The following TNFSF4 variants were observed in gnomAD, a reference collection of about 807,000 sequenced individuals.
The protein encoded by TNFSF4 is tumor necrosis factor ligand superfamily member 4.
A neutral mutation model predicts 7.3 loss-of-function variants in TNFSF4; 4 were observed. The ratio of observed to expected loss-of-function variants is 0.55; its 90% CI spans 0.27 to 1.25. The LOEUF (loss-of-function observed/expected upper bound fraction) is 1.25. Among genes scored for constraint, TNFSF4 ranks in the 50% most tolerant of loss-of-function variants. The probability of loss-of-function intolerance (pLI) is 0.12; values close to 1 mark genes in which losing one functional copy is unlikely to be tolerated. For missense variants in TNFSF4, 181 were observed against 208.8 expected (o/e 0.87, Z 0.82); for synonymous variants, 76 against 83.7 (o/e 0.91, Z 0.50).
chr1:173,440,299 T>C, the TNFSF4 span, among the ~76,000 whole-genome samples: 2 of 152,338 alleles, frequency 1.3e-5, no homozygotes, highest in Non-Finnish European at 2.9e-5. Flanking sequence ...TTTCCAAGAA[T>C]AGTCCCTTGT....
At chr1:173,199,034 G>C (rs1649832421) in intron 1 of TNFSF4, among the ~76,000 whole-genome samples, 1 of 152,114 alleles carries the variant, frequency 6.6e-6, no homozygotes, top group Admixed American at 6.5e-5. Flanking sequence ...AAGATACTAG[G>C]TATTAAAGCT....
chr1:173,304,832 G>C, the TNFSF4 span, among the ~76,000 whole-genome samples: 60 of 152,102 alleles, frequency 3.9e-4, no homozygotes, highest in African/African-American at 1.3e-3. Context: ...GCCACACATT[G>C]TCACTTCCAC....
chr1:173,226,410 A>G, the TNFSF4 span, among the ~76,000 whole-genome samples: 1 of 152,196 alleles, frequency 6.6e-6, no homozygotes, highest in Non-Finnish European at 1.5e-5. Context: ...TTTGTACTAA[A>G]ACATGAATAT....
chr1:173,261,974 C>T, the TNFSF4 span, among the ~76,000 whole-genome samples: 1 of 152,208 alleles, frequency 6.6e-6, no homozygotes, highest in Non-Finnish European at 1.5e-5. Flanking sequence ...CTCCCTAACT[C>T]ATTTTATAAG....
the TNFSF4 span, among the ~76,000 whole-genome samples, chr1:173,247,597 C>T: frequency 8.8e-4 from 134 of 152,242 alleles, no homozygotes; most frequent in African/African-American, 2.5e-3. Flanking sequence ...AACAAAGTTT[C>T]GGTTATCTCT....
At chr1:173,403,658 C>T in the TNFSF4 span, among the ~76,000 whole-genome samples, 4,342 of 152,274 alleles carry the variant, frequency 0.029, 104 homozygotes, top group Middle Eastern at 0.082. Flanking sequence ...AATCCCAGCA[C>T]TTTGGGAGGC....
At chr1:173,205,608 G>T (rs1368859797) in intron 1 of TNFSF4, 7 of 1,137,228 alleles carry the variant, frequency 6.2e-6, no homozygotes, top group African/African-American at 1.6e-5. Context: ...GTTAGAAAAA[G>T]CACTCTCAGG....
chr1:173,212,462 G>A, the TNFSF4 span, among the ~76,000 whole-genome samples: 1 of 151,982 alleles, frequency 6.6e-6, no homozygotes, highest in Admixed American at 6.6e-5. Context: ...TTTCCCAGAA[G>A]AATGCAGCTG....
chr1:173,415,320 G>A, the TNFSF4 span, among the ~76,000 whole-genome samples: 2 of 152,218 alleles, frequency 1.3e-5, no homozygotes, highest in Non-Finnish European at 2.9e-5. Flanking sequence ...GTGAGTGGGT[G>A]GGAGGATGGG....
chr1:173,261,989 A>C, the TNFSF4 span, among the ~76,000 whole-genome samples: 34 of 152,278 alleles, frequency 2.2e-4, no homozygotes, highest in African/African-American at 7.5e-4. Context: ...TATAAGACCA[A>C]CATCATCCTG....
At chr1:173,206,315 T>C (rs1650187873) in intron 1 of TNFSF4, among the ~76,000 whole-genome samples, 1 of 152,018 alleles carries the variant, frequency 6.6e-6, no homozygotes, top group African/African-American at 2.4e-5. Flanking sequence ...GAGAGAAGTG[T>C]GGAACAAGAA....
chr1:173,422,546 G>C, the TNFSF4 span, among the ~76,000 whole-genome samples: 1 of 152,238 alleles, frequency 6.6e-6, no homozygotes, highest in South Asian at 2.1e-4. Context: ...GCCAGTCTAG[G>C]AGGTCAAAAT....
the TNFSF4 span, among the ~76,000 whole-genome samples, chr1:173,392,234 C>G: frequency 2.0e-5 from 3 of 152,098 alleles, no homozygotes; most frequent in Admixed American, 6.5e-5. Context: ...TAATGCCTAT[C>G]TCATAGAATT....
At chr1:173,308,330 T>TGTGTGTGTGTG in the TNFSF4 span, among the ~76,000 whole-genome samples, 1 of 151,056 alleles carries the variant, frequency 6.6e-6, no homozygotes, top group African/African-American at 2.4e-5. Context: ...TGTGTGTGTG[T>TGTGTGTGTGTG]TTTATTGAGA....
chr1:173,222,337 G>T, the TNFSF4 span, among the ~76,000 whole-genome samples: 1 of 152,140 alleles, frequency 6.6e-6, no homozygotes, highest in Non-Finnish European at 1.5e-5. Flanking sequence ...CACCAAAACG[G>T]TCTGAAATGA....
chr1:173,365,742 T>G, the TNFSF4 span, among the ~76,000 whole-genome samples: 1 of 152,234 alleles, frequency 6.6e-6, no homozygotes, highest in Non-Finnish European at 1.5e-5. Flanking sequence ...TTACTTCTGA[T>G]GAAATTTACC....
chr1:173,372,824 C>T, the TNFSF4 span, among the ~76,000 whole-genome samples: 15 of 152,318 alleles, frequency 9.8e-5, no homozygotes, highest in South Asian at 4.1e-4. Context: ...TCAAGCATGA[C>T]GGACAACAAA....
the TNFSF4 span, among the ~76,000 whole-genome samples, chr1:173,177,214 T>TA: frequency 6.6e-6 from 1 of 152,120 alleles, no homozygotes; most frequent in Non-Finnish European, 1.5e-5. Flanking sequence ...AATTTTACCT[T>TA]AAAGAAAGAA....
At chr1:173,392,172 T>G in the TNFSF4 span, among the ~76,000 whole-genome samples, 1 of 152,334 alleles carries the variant, frequency 6.6e-6, no homozygotes, top group African/African-American at 2.4e-5. Context: ...TAGCTCTGTG[T>G]CTAACTTGTT....
Sources: allele counts gnomAD v4.1 joint callset (sites outside exome capture counted in the v4.1 genomes callset), GRCh38; gene constraint gnomAD v4.1.1; transcripts MANE v1.5; gene names NCBI Gene and HGNC (gene_info 2026-07-23, HGNC 2026-07-21).